IFT140: variants seen among roughly 807,000 people sequenced by gnomAD.
IFT140 encodes intraflagellar transport 140.
A neutral mutation model predicts 164.6 loss-of-function variants in IFT140; 133 were observed. That is an observed-to-expected ratio of 0.81 (90% CI 0.70 to 0.93). The LOEUF (loss-of-function observed/expected upper bound fraction) is 0.93. Ranked by LOEUF, IFT140 falls within the 40% of genes least tolerant of loss-of-function variation. IFT140 has a pLI of 0.00. For synonymous variants in IFT140, 860 were observed against 817.3 expected (o/e 1.05, Z -0.89); for missense variants, 2,045 against 1,972.3 (o/e 1.04, Z -0.70).
At chr16:1,568,555 G>C (rs143791172) in intron 14 of IFT140, among the ~76,000 whole-genome samples, 1 of 152,146 alleles carries the variant, frequency 6.6e-6, no homozygotes, top group Non-Finnish European at 1.5e-5. Flanking sequence ...TGAGTGCTTC[G>C]TCCCCTTCCT....
intron 4 of IFT140, among the ~76,000 whole-genome samples, chr16:1,601,376 A>G (rs2035790081): frequency 6.6e-6 from 1 of 152,154 alleles, no homozygotes; most frequent in African/African-American, 2.4e-5. Context: ...AGAAATGTGA[A>G]CATAAACTGC....
intron 22 of IFT140, 51 bp downstream of exon 22, chr16:1,525,180 C>T: frequency 2.7e-6 from 4 of 1,456,866 alleles, no homozygotes; most frequent in Non-Finnish European, 3.8e-6. Flanking sequence ...GGGGTCCCTG[C>T]AAACCTCCAG....
chr16:1,548,716 C>T (rs1240446486), intron 19 of IFT140, among the ~76,000 whole-genome samples: 2 of 152,166 alleles, frequency 1.3e-5, no homozygotes, highest in South Asian at 4.1e-4. Context: ...TTCCCATCTC[C>T]CCCACGTAGG....
In IFT140 at chr16:1,582,759, C is replaced by T. The variant is rs559115815; in HGVS notation, c.1432+555G>A. ...TCTCTACTAAAATATAAAAATTAGCCGGGTGTGGTGGCACGCACCTGTAAT... is the reference window on the plus strand; with the variant it reads ...TCTCTACTAAAATATAAAAATTAGCTGGGTGTGGTGGCACGCACCTGTAAT... On this transcript the variant is annotated intron_variant, in intron 12 of 30. Coordinates refer to ENST00000426508, the MANE Select transcript of IFT140 (RefSeq NM_014714.4). 2.0e-5 allele frequency among the ~76,000 whole-genome samples: 3 copies of T among 152,316 alleles called. No homozygotes were observed. The South Asian group carries it at 6.2e-4, about 32-fold the overall frequency.
Position 1,602,489 on chromosome 16 carries a change from C to T in IFT140, c.250G>A (p.Glu84Lys), listed in dbSNP as rs1265865100. 6.2e-7 allele frequency: 1 copy of T among 1,614,220 alleles called. No individual in the cohort carries two copies. The change falls in exon 4 of 31, where the codon GAA becomes AAA. Residue 84 changes from glutamate (E) to lysine (K), a missense_variant. Glu to Lys is a moderately conservative substitution (Grantham distance 56, BLOSUM62 1). Coordinates refer to ENST00000426508, the MANE Select transcript of IFT140 (RefSeq NM_014714.4). Reference protein sequence around the residue: ...LVLAVGWETGEVTVFNKQDKE... With the variant: ...LVLAVGWETGKVTVFNKQDKE... Reference sequence around the variant, plus strand: ...TCCTGCTTGTTAAACACCGTCACTTCTCCAGTCTCCCAGCCCACAGCCAGC... The same window carrying T: ...TCCTGCTTGTTAAACACCGTCACTTTTCCAGTCTCCCAGCCCACAGCCAGC...
chr16:1,561,528 T>C (rs547440862), intron 18 of IFT140, among the ~76,000 whole-genome samples: 2 of 152,222 alleles, frequency 1.3e-5, no homozygotes, highest in Non-Finnish European at 2.9e-5. Flanking sequence ...GCTGGGATTA[T>C]GGAGATTTGT....
chr16:1,601,204 C>T (rs1318138751), intron 4 of IFT140, among the ~76,000 whole-genome samples: 1 of 149,072 alleles, frequency 6.7e-6, no homozygotes, highest in Non-Finnish European at 1.5e-5. Flanking sequence ...GTAGAGGTTG[C>T]AGTGAGCTGA....
rs150296369 is a variant in IFT140 at position 1,578,964 on chromosome 16, G to A, written c.1524+1795C>T. Among the ~76,000 whole-genome samples, 871 of 152,196 alleles carry A rather than the reference G, an allele frequency of 5.7e-3. 5 individuals carry two copies. The highest frequency in any genetic ancestry group is 0.02 in the African/African-American group (822 of 41,536). On this transcript the variant is annotated intron_variant, in intron 13 of 30. Coordinates refer to ENST00000426508, the MANE Select transcript of IFT140 (RefSeq NM_014714.4). ...TGGGTTCAAGTGGTCCTCCCACCTC[G>A]CCCTCCCCAAAGTGCTCAGATTACA...
intron 26 of IFT140, among the ~76,000 whole-genome samples, 162 bp from the exon 27 acceptor site, chr16:1,520,970 C>T (rs892172059): frequency 6.6e-6 from 1 of 152,234 alleles, no homozygotes; most frequent in African/African-American, 2.4e-5. Flanking sequence ...TCCCCTGCCT[C>T]ACCAACCTAC....
At chr16:1,608,055 T>C (rs763152) in intron 2 of IFT140, among the ~76,000 whole-genome samples, 67,118 of 152,092 alleles carry the variant, frequency 0.44, 16,551 homozygotes, top group African/African-American at 0.67. Flanking sequence ...AGACTGTCTT[T>C]TACCTCTGAC....
chr16:1,611,266 G>A (rs1411348698), intron 1 of IFT140, among the ~76,000 whole-genome samples: 1 of 152,234 alleles, frequency 6.6e-6, no homozygotes, highest in African/African-American at 2.4e-5. Context: ...CAGCTCTTGG[G>A]GGCTGGGGCG....
At chr16:1,516,426 C>G (rs1414207434) in intron 30 of IFT140, among the ~76,000 whole-genome samples, 2 of 151,942 alleles carry the variant, frequency 1.3e-5, no homozygotes. Context: ...AAATACAATG[C>G]AAAGAGGAGT....
chr16:1,591,621 T>A (rs1044260672), intron 6 of IFT140, among the ~76,000 whole-genome samples: 1 of 152,176 alleles, frequency 6.6e-6, no homozygotes, highest in Non-Finnish European at 1.5e-5. Context: ...TAACTTCATA[T>A]TGCATTTATT....
intron 14 of IFT140, among the ~76,000 whole-genome samples, 171 bp from the exon 15 acceptor site, chr16:1,568,505 G>A (rs576614707): frequency 6.6e-6 from 1 of 152,254 alleles, no homozygotes; most frequent in South Asian, 2.1e-4. Flanking sequence ...CACAGGGTGA[G>A]TTCTTCCACC....
At chr16:1,542,095 G>A (rs1596331893) in intron 19 of IFT140, 3 of 1,580,998 alleles carry the variant, frequency 1.9e-6, no homozygotes, top group Middle Eastern at 1.7e-4. Context: ...CTGGGCGGGT[G>A]TGGCCACCGC....
intron 13 of IFT140, chr16:1,580,070 C>T (rs1311683790): frequency 6.6e-6 from 1 of 152,086 alleles, no homozygotes; most frequent in Non-Finnish European, 1.5e-5. Flanking sequence ...ACTGGAGCCA[C>T]CCAGCCAGCC....
At chr16:1,567,527 C>T (rs2033784559) in intron 15 of IFT140, among the ~76,000 whole-genome samples, 1 of 152,228 alleles carries the variant, frequency 6.6e-6, no homozygotes, top group Non-Finnish European at 1.5e-5. Flanking sequence ...AGTTCCACAC[C>T]CTCCAAGCAC....
Position 1,592,306 on chromosome 16 carries a change from C to T in IFT140, c.504G>A (p.Gln168=). The T allele has an allele frequency of 6.2e-7, 1 of 1,614,208 alleles. No homozygotes were observed. Among genetic ancestry groups the T allele is most frequent in the Non-Finnish European group, 8.5e-7 (1 of 1,180,040 alleles). Residue 168 remains glutamine, a synonymous_variant, in exon 6 of 31, where the codon CAG becomes CAA. Coordinates refer to ENST00000426508, the MANE Select transcript of IFT140 (RefSeq NM_014714.4). ...RLPPPGEDLV[Q]LAKAAVSGDE... Reference sequence around the variant, plus strand: ...CACCGCTCACAGCTGCCTTTGCCAACTGAACCAGGTCCCTGAAAGCAAACA... The same window carrying T: ...CACCGCTCACAGCTGCCTTTGCCAATTGAACCAGGTCCCTGAAAGCAAACA...
At chr16:1,522,583 G>GT (rs1394720452) in intron 26 of IFT140, among the ~76,000 whole-genome samples, 7 of 152,018 alleles carry the variant, frequency 4.6e-5, no homozygotes, top group Non-Finnish European at 8.8e-5. Context: ...GCTCACGCCT[G>GT]TAATCCCAGC....
Sources: gnomAD v4.1 joint callset for allele counts (sites outside exome capture counted in the v4.1 genomes callset) on GRCh38, gnomAD v4.1.1 for gene constraint, MANE v1.5 for transcripts, NCBI Gene and HGNC (gene_info 2026-07-23, HGNC 2026-07-21) for gene names.